ANKRD30BL: variants seen among roughly 807,000 people sequenced by gnomAD.
ANKRD30BL encodes the protein putative ankyrin repeat domain-containing protein 30B-like.
A neutral mutation model predicts 18.4 loss-of-function variants in ANKRD30BL; 20 were observed. The ratio of observed to expected loss-of-function variants is 1.09; its 90% CI spans 0.77 to 1.58. The LOEUF is 1.58. Ranked by LOEUF, ANKRD30BL falls within the 40% of genes most tolerant of loss-of-function variation. The pLI, the probability that ANKRD30BL is intolerant of heterozygous loss-of-function variation, is 0.00. For missense variants in ANKRD30BL, 224 were observed against 268.6 expected (o/e 0.83, Z 1.16); for synonymous variants, 72 against 100.9 (o/e 0.71, Z 1.72).
At chr2:132,256,373 C>G (rs560228312) in intron 1 of ANKRD30BL, among the ~76,000 whole-genome samples, 1 of 151,938 alleles carries the variant, frequency 6.6e-6, no homozygotes, top group Non-Finnish European at 1.5e-5. Context: ...CAAAACCCCC[C>G]GACGGGCTCA....
chr2:132,229,749 A>G (rs1478702217), intron 1 of ANKRD30BL, among the ~76,000 whole-genome samples: 1 of 152,064 alleles, frequency 6.6e-6, no homozygotes, highest in Non-Finnish European at 1.5e-5. Flanking sequence ...CTGCAAGTGG[A>G]CATTTGGAGA....
intron 1 of ANKRD30BL, among the ~76,000 whole-genome samples, chr2:132,238,671 C>G (rs1309504765): frequency 2.0e-5 from 3 of 151,764 alleles, no homozygotes; most frequent in Non-Finnish European, 4.4e-5. Context: ...GATGTGTGTA[C>G]TCAACTCACA....
intron 1 of ANKRD30BL, among the ~76,000 whole-genome samples, chr2:132,236,751 T>C (rs1229385072): frequency 2.0e-5 from 3 of 152,114 alleles, no homozygotes; most frequent in South Asian, 2.1e-4. Flanking sequence ...GAAATACCAT[T>C]TGACCCAGCC....
At chr2:132,237,075 T>C (rs1225625380) in intron 1 of ANKRD30BL, among the ~76,000 whole-genome samples, 7 of 150,856 alleles carry the variant, frequency 4.6e-5, no homozygotes, top group Non-Finnish European at 7.4e-5. Flanking sequence ...AATTGAGCAA[T>C]GAGATCACAT....
chr2:132,212,754 T>C (rs186076423), intron 1 of ANKRD30BL, among the ~76,000 whole-genome samples: 2 of 151,956 alleles, frequency 1.3e-5, no homozygotes, highest in Non-Finnish European at 2.9e-5. Context: ...TTTTGTAGAC[T>C]CTGCAAGTGG....
At chr2:132,204,453 T>C (rs1679170880) in intron 1 of ANKRD30BL, among the ~76,000 whole-genome samples, 1 of 150,726 alleles carries the variant, frequency 6.6e-6, no homozygotes, top group Admixed American at 6.7e-5. Context: ...TACATACATA[T>C]AGTGTGTATG....
At chr2:132,170,472 C>T (rs1431328188) in intron 1 of ANKRD30BL, among the ~76,000 whole-genome samples, 1 of 152,226 alleles carries the variant, frequency 6.6e-6, no homozygotes, top group Non-Finnish European at 1.5e-5. Flanking sequence ...GTGTGCACTC[C>T]TGCCAGTGTG....
chr2:132,192,903 C>A (rs937652068), intron 1 of ANKRD30BL, among the ~76,000 whole-genome samples: 17 of 152,274 alleles, frequency 1.1e-4, no homozygotes, highest in African/African-American at 3.6e-4. Context: ...TGGCCTAAGG[C>A]AGGAATATAA....
intron 1 of ANKRD30BL, chr2:132,257,503 C>A (rs796342018): frequency 3.9e-6 from 1 of 254,394 alleles, no homozygotes; most frequent in South Asian, 3.7e-5. Context: ...CGGAGGCTGG[C>A]GGAACCCTTG....
chr2:132,246,433 C>A (rs1680502208), intron 1 of ANKRD30BL, among the ~76,000 whole-genome samples: 1 of 149,912 alleles, frequency 6.7e-6, no homozygotes, highest in African/African-American at 2.4e-5. Context: ...GGATATTGGA[C>A]ACCATTGAGT....
At chr2:132,223,170 TCA>T (rs1371257635) in intron 1 of ANKRD30BL, among the ~76,000 whole-genome samples, 1 of 152,220 alleles carries the variant, frequency 6.6e-6, no homozygotes, top group African/African-American at 2.4e-5. Flanking sequence ...TACATTCAAC[TCA>T]CAGAGTTGAA....
chr2:132,253,550 C>T (rs982629995), intron 1 of ANKRD30BL, among the ~76,000 whole-genome samples: 2 of 152,166 alleles, frequency 1.3e-5, no homozygotes, highest in Non-Finnish European at 2.9e-5. Flanking sequence ...GCCACACGTG[C>T]AGCATGCACG....
chr2:132,222,054 G>T (rs1190311494), intron 1 of ANKRD30BL, among the ~76,000 whole-genome samples: 1 of 100,482 alleles, frequency 1.0e-5, no homozygotes, highest in Admixed American at 9.8e-5. Context: ...GGGGGGGGGG[G>T]TCGGCCAGCC....
At chr2:132,254,226 G>C (rs1304702802) in intron 1 of ANKRD30BL, among the ~76,000 whole-genome samples, 2 of 151,772 alleles carry the variant, frequency 1.3e-5, no homozygotes, top group Admixed American at 6.6e-5. Context: ...TGGCTCTCGG[G>C]GCAGGTGGGG....
intron 1 of ANKRD30BL, among the ~76,000 whole-genome samples, chr2:132,231,701 C>A (rs192910883): frequency 6.6e-6 from 1 of 152,138 alleles, no homozygotes. Context: ...CCCACGGAGT[C>A]TCGCTGATTG....
At chr2:132,226,887 G>A (rs1014984065) in intron 1 of ANKRD30BL, among the ~76,000 whole-genome samples, 3 of 151,988 alleles carry the variant, frequency 2.0e-5, no homozygotes, top group African/African-American at 7.2e-5. Context: ...CTAGACAGAA[G>A]CATTCTCAGA....
intron 1 of ANKRD30BL, among the ~76,000 whole-genome samples, chr2:132,184,740 T>TA (rs1184937710): frequency 6.6e-6 from 1 of 152,136 alleles, no homozygotes; most frequent in Non-Finnish European, 1.5e-5. Context: ...GATTTGTTTT[T>TA]ACCAAAATTC....
At chr2:132,238,667 T>C (rs577555655) in intron 1 of ANKRD30BL, among the ~76,000 whole-genome samples, 2 of 152,188 alleles carry the variant, frequency 1.3e-5, no homozygotes, top group East Asian at 3.9e-4. Context: ...TTCTGATGTG[T>C]GTACTCAACT....
chr2:132,149,755 A>G (rs1052298699), intron 5 of ANKRD30BL, among the ~76,000 whole-genome samples: 8 of 152,202 alleles, frequency 5.3e-5, no homozygotes, highest in African/African-American at 1.9e-4. Flanking sequence ...CAAGATACTA[A>G]GACAAATCTC....
Sources: gnomAD v4.1 joint callset for allele counts (sites outside exome capture counted in the v4.1 genomes callset) on GRCh38, gnomAD v4.1.1 for gene constraint, MANE v1.5 for transcripts, NCBI Gene and HGNC (gene_info 2026-07-23, HGNC 2026-07-21) for gene names.